KATNAL1: variants seen among roughly 807,000 people sequenced by gnomAD.
KATNAL1 encodes the protein katanin p60 ATPase-containing subunit A-like 1.
Under a neutral mutation model 55.2 loss-of-function variants are expected in KATNAL1, and 32 were observed. The observed-to-expected ratio is 0.58, with a 90% CI of 0.44 to 0.78. KATNAL1 has a LOEUF of 0.78. Ranked by LOEUF, KATNAL1 falls within the 30% of genes least tolerant of loss-of-function variation. The pLI, the probability that KATNAL1 is intolerant of heterozygous loss-of-function variation, is 0.00. For synonymous variants in KATNAL1, 193 were observed against 193.6 expected (o/e 1.00, Z 0.02); for missense variants, 466 against 600.9 (o/e 0.78, Z 2.35).
chr13:30,252,713 G>T (rs1878431882), intron 4 of KATNAL1, among the ~76,000 whole-genome samples: 2 of 151,786 alleles, frequency 1.3e-5, no homozygotes, highest in South Asian at 4.1e-4. Context: ...CCATATCTCT[G>T]AGGGTACTTC....
In KATNAL1 at chr13:30,230,540, T is replaced by C. The variant is rs1427011421; in HGVS notation, c.940A>G (p.Ser314Gly). Residue 314 changes from serine to glycine, a missense_variant, in exon 8 of 11, where the codon AGT becomes GGT. Transcript: ENST00000380615. ...TGTTCATCAGAGGTTCCTCTTCGAC[T>C]GCAGATAGAATCTATCTCATCAATG... is the stretch of plus-strand genomic sequence containing the variant. ...IFIDEIDSIC[S>G]RRGTSDEHEA... 1 of 1,612,190 alleles carries C rather than the reference T, an allele frequency of 6.2e-7. No individual in the cohort carries two copies. The highest frequency in any genetic ancestry group is 2.2e-5 in the East Asian group (1 of 44,846).
In KATNAL1 at chr13:30,255,464, T is replaced by C. The variant is rs774046360; in HGVS notation, c.475A>G (p.Arg159Gly). ...STSRDKDYRA[R>G]GRDDKGRKNM... is the part of the protein sequence containing the mutation. ...CATCTTGCCTTGTCATCTCTCCCTC[T>C]TGCTCTATAGTCCTTGTCCCTACTT... Residue 159 changes from arginine (R) to glycine (G), a missense_variant, in exon 4 of 11, where the codon AGA (arginine) becomes GGA (glycine). Physicochemically the swap from Arg to Gly is moderately radical, Grantham distance 125. This residue lies in a region of KATNAL1 where 248 missense variants were observed against 275.5 expected (regional missense o/e 0.90). Coordinates refer to ENST00000380615, the MANE Select transcript of KATNAL1 (RefSeq NM_032116.5). 8 of 1,559,452 alleles carry C rather than the reference T, an allele frequency of 5.1e-6. No individual in the cohort carries two copies. In the South Asian group the frequency reaches 9.6e-5, roughly 19 times the overall value.
At chr13:30,242,314 T>G (rs1475379813) in intron 4 of KATNAL1, among the ~76,000 whole-genome samples, 1 of 152,152 alleles carries the variant, frequency 6.6e-6, no homozygotes, top group Non-Finnish European at 1.5e-5. Context: ...AAGAACTTAA[T>G]AAACACTACC....
intron 1 of KATNAL1, among the ~76,000 whole-genome samples, chr13:30,300,081 A>C (rs1882765283): frequency 1.3e-5 from 2 of 152,238 alleles, no homozygotes; most frequent in African/African-American, 4.8e-5. Flanking sequence ...GCTTGTATCC[A>C]GAACCCAATC....
At chr13:30,241,757 A>G (rs1224485458) in intron 4 of KATNAL1, among the ~76,000 whole-genome samples, 1 of 152,190 alleles carries the variant, frequency 6.6e-6, no homozygotes, top group Non-Finnish European at 1.5e-5. Context: ...GAGACAAGAG[A>G]ACAAGACAAA....
chr13:30,214,780 G>T (rs1874044695), intron 9 of KATNAL1, among the ~76,000 whole-genome samples: 1 of 151,820 alleles, frequency 6.6e-6, no homozygotes, highest in Non-Finnish European at 1.5e-5. Flanking sequence ...ATTCAAGATG[G>T]ATTAAAGACT....
intron 4 of KATNAL1, among the ~76,000 whole-genome samples, chr13:30,254,142 T>C (rs1370979805): frequency 2.0e-5 from 3 of 152,168 alleles, no homozygotes; most frequent in Admixed American, 2.0e-4. Context: ...ACTAGCAAAC[T>C]GGAGGTTGGA....
Position 30,205,693 on chromosome 13 carries a change from G to A in KATNAL1, c.*2847C>T, listed in dbSNP as rs1044046237. 5 of 148,738 alleles carry A rather than the reference G, an allele frequency of 3.4e-5. No homozygotes were observed. Among genetic ancestry groups the A allele is most frequent in the Non-Finnish European group, 5.8e-5 (4 of 68,480 alleles). 9.2% of individuals were successfully genotyped at this position (148,738 alleles called of 1,614,324 possible). ...GTTAGGGCTGGGCACAGTGGCTCAC[G>A]CCTGTAATCCAAGCACTCATTCTGG... On this transcript the variant is annotated 3_prime_UTR_variant, in exon 11 of 11. Transcript: ENST00000380615.
chr13:30,248,864 C>G (rs886633384), intron 4 of KATNAL1, among the ~76,000 whole-genome samples: 1 of 152,194 alleles, frequency 6.6e-6, no homozygotes, highest in Non-Finnish European at 1.5e-5. Flanking sequence ...TCAAGACCAT[C>G]CTGGCTAACA....
chr13:30,307,008 A>C (rs888548563), intron 1 of KATNAL1: 2 of 85,746 alleles, frequency 2.3e-5, no homozygotes, highest in Non-Finnish European at 4.6e-5. Flanking sequence ...CAAGACAAAG[A>C]GAGATTTTTT....
At chr13:30,223,729 C>T (rs1453119767) in intron 9 of KATNAL1, among the ~76,000 whole-genome samples, 4 of 151,832 alleles carry the variant, frequency 2.6e-5, no homozygotes, top group South Asian at 2.1e-4. Context: ...ACTGAAAAAA[C>T]GAAAGGGAGA....
chr13:30,270,788 G>A (rs1359997760), intron 3 of KATNAL1, among the ~76,000 whole-genome samples: 2 of 150,984 alleles, frequency 1.3e-5, no homozygotes, highest in Admixed American at 1.3e-4. Flanking sequence ...AGGCCGCAGG[G>A]TCCTCTGCCT....
At chr13:30,223,431 G>T (rs1241836080) in intron 9 of KATNAL1, among the ~76,000 whole-genome samples, 2 of 93,582 alleles carry the variant, frequency 2.1e-5, no homozygotes, top group Admixed American at 1.8e-4. Flanking sequence ...GACAGAGCGA[G>T]ACTCCATCTC....
intron 9 of KATNAL1, among the ~76,000 whole-genome samples, chr13:30,213,622 C>T (rs1466268884): frequency 1.3e-5 from 2 of 152,190 alleles, no homozygotes; most frequent in Admixed American, 6.5e-5. Flanking sequence ...GTTCAACATA[C>T]ACAAATCAAT....
intron 3 of KATNAL1, among the ~76,000 whole-genome samples, chr13:30,271,025 T>C (rs970857219): frequency 7.2e-5 from 11 of 152,090 alleles, no homozygotes; most frequent in African/African-American, 2.7e-4. Context: ...TAGGGCTTTC[T>C]ATGTGAGTGA....
chr13:30,282,554 C>G (rs1881439610), intron 2 of KATNAL1, among the ~76,000 whole-genome samples: 1 of 151,754 alleles, frequency 6.6e-6, no homozygotes, highest in South Asian at 2.1e-4. Flanking sequence ...GGGAAGATCG[C>G]TTGAGCCCAG....
chr13:30,290,392 T>C (rs1882057566), intron 1 of KATNAL1, among the ~76,000 whole-genome samples: 1 of 151,810 alleles, frequency 6.6e-6, no homozygotes, highest in Non-Finnish European at 1.5e-5. Context: ...ACCTTGGAGC[T>C]ACTGAAAGAC....
At chr13:30,264,416 A>G in intron 3 of KATNAL1, among the ~76,000 whole-genome samples, 6 of 139,468 alleles carry the variant, frequency 4.3e-5, no homozygotes, top group South Asian at 4.8e-4. Context: ...CAGCAAAAGA[A>G]ACTACCATCA....
chr13:30,296,483 C>T (rs141477954), intron 1 of KATNAL1: 84 of 703,032 alleles, frequency 1.2e-4, no homozygotes, highest in Admixed American at 6.4e-4. Context: ...CTGAGGATTA[C>T]GGTGAGCTGA....
Sources: allele counts gnomAD v4.1 joint callset (sites outside exome capture counted in the v4.1 genomes callset), GRCh38; gene constraint gnomAD v4.1.1; regional missense constraint gnomAD v4.1.1; transcripts MANE v1.5; gene names NCBI Gene and HGNC (gene_info 2026-07-23, HGNC 2026-07-21).